PKP2: variants seen among roughly 807,000 people sequenced by gnomAD.
PKP2 encodes plakophilin-2.
PKP2 carries 73 observed loss-of-function variants against 83.4 expected under a neutral mutation model. That is an observed-to-expected ratio of 0.88 (90% CI 0.72 to 1.06). PKP2 has a LOEUF of 1.06. Ranked by LOEUF, PKP2 falls within the 50% of genes least tolerant of loss-of-function variation. PKP2 has a pLI of 0.00. For missense variants in PKP2, 966 were observed against 1,065.4 expected, an observed-to-expected ratio of 0.91 and a Z score of 1.30; for synonymous variants, 409 against 430.4, an observed-to-expected ratio of 0.95 and a Z score of 0.62.
chr12:32,856,284 T>C (rs1222900327), intron 4 of PKP2, among the ~76,000 whole-genome samples: 3 of 152,086 alleles, frequency 2.0e-5, no homozygotes, highest in African/African-American at 7.2e-5. Context: ...GGGGCAGTTA[T>C]TGGAAAGGTC....
chr12:32,816,480 A>G (rs542950626), intron 9 of PKP2, among the ~76,000 whole-genome samples: 16 of 152,284 alleles, frequency 1.1e-4, no homozygotes, highest in South Asian at 2.1e-4. Context: ...TCTTTATCCA[A>G]TCCACCACGG....
intron 10 of PKP2, among the ~76,000 whole-genome samples, chr12:32,801,561 T>C (rs1956178588): frequency 6.6e-6 from 1 of 152,290 alleles, no homozygotes; most frequent in African/African-American, 2.4e-5. Flanking sequence ...GCCTTTAATA[T>C]CTCTGGGGCT....
chr12:32,791,163 G>T lies in PKP2; in HGVS notation c.*1261C>A, dbSNP rs1393860855. The T allele has an allele frequency of 3.3e-5, 5 of 151,880 alleles. No individual in the cohort carries two copies. The highest frequency in any genetic ancestry group is 1.2e-4 in the African/African-American group (5 of 41,374). 9.4% of individuals were successfully genotyped at this position (151,880 alleles called of 1,614,324 possible). A position where few individuals can be genotyped will look rare whatever the true frequency, so the allele number is the denominator to read the frequency against. On this transcript the variant is annotated 3_prime_UTR_variant, in exon 13 of 13. Transcript: ENST00000340811. Reference sequence around the variant, plus strand: ...TTGTAAAGACTAACTCTATATGAATGGTTTTAATCATAGCGCAGTTAAAAC... The same window carrying T: ...TTGTAAAGACTAACTCTATATGAATTGTTTTAATCATAGCGCAGTTAAAAC...
intron 9 of PKP2, among the ~76,000 whole-genome samples, chr12:32,817,332 A>G (rs1464024494): frequency 6.6e-6 from 1 of 152,254 alleles, no homozygotes; most frequent in African/African-American, 2.4e-5. Context: ...AGACTCCTAG[A>G]AGAAAACCTA....
chr12:32,848,375 A>G (rs1398056711), intron 5 of PKP2, among the ~76,000 whole-genome samples: 2 of 152,314 alleles, frequency 1.3e-5, no homozygotes, highest in Admixed American at 1.3e-4. Context: ...CAGTGAGCTG[A>G]GATCATGCCA....
chr12:32,790,843 TGCACTCC>T lies in PKP2; in HGVS notation c.*1574_*1580del, dbSNP rs1483764743. Reference sequence around the variant, plus strand: ...CACATTTATTATCTGGAGGAATAAATGCACTCCAAATGCTTATCATCAGAACTCTGGA... The same window carrying T: ...CACATTTATTATCTGGAGGAATAAATAAATGCTTATCATCAGAACTCTGGA... On this transcript the variant is annotated 3_prime_UTR_variant, in exon 13 of 13. Transcript: ENST00000340811. 6.6e-6 allele frequency: 1 copy of T among 152,184 alleles called. No homozygotes were observed. The highest frequency in any genetic ancestry group is 2.4e-5 in the African/African-American group (1 of 41,450). The allele number at this position is 152,184 out of a possible 1,614,324, so 9.4% of individuals were successfully genotyped here. A position where few individuals can be genotyped will look rare whatever the true frequency, so the allele number is the denominator to read the frequency against.
chr12:32,805,764 G>A (rs562337783), intron 9 of PKP2, among the ~76,000 whole-genome samples: 13 of 152,266 alleles, frequency 8.5e-5, no homozygotes, highest in African/African-American at 2.9e-4. Context: ...TGATCTTTTT[G>A]CTTAGGACTG....
chr12:32,893,566 G>A (rs1957093730), intron 1 of PKP2: 1 of 152,186 alleles, frequency 6.6e-6, no homozygotes, highest in Non-Finnish European at 1.5e-5. Context: ...TTTAAAGTAA[G>A]TAGGTGTTGT....
At chr12:32,841,381 T>C (rs1956590851) in intron 5 of PKP2, among the ~76,000 whole-genome samples, 176 bp from the exon 6 acceptor site, 1 of 152,154 alleles carries the variant, frequency 6.6e-6, no homozygotes, top group African/African-American at 2.4e-5. Flanking sequence ...CATTAGATGG[T>C]GATGGAGGCT....
intron 1 of PKP2, among the ~76,000 whole-genome samples, chr12:32,884,033 C>A (rs932644120): frequency 6.6e-6 from 1 of 152,134 alleles, no homozygotes; most frequent in Non-Finnish European, 1.5e-5. Flanking sequence ...CCTCCCTATA[C>A]CTGGAGGAAA....
chr12:32,811,920 A>G (rs1956280381), intron 9 of PKP2, among the ~76,000 whole-genome samples: 1 of 152,138 alleles, frequency 6.6e-6, no homozygotes, highest in South Asian at 2.1e-4. Flanking sequence ...CAGCAAAGAG[A>G]GTAAGCAACC....
chr12:32,860,580 G>A (rs1162077984), intron 4 of PKP2, among the ~76,000 whole-genome samples: 3 of 152,198 alleles, frequency 2.0e-5, no homozygotes, highest in African/African-American at 7.2e-5. Context: ...AGGGCAAGGA[G>A]AGGGAAAGCA....
intron 7 of PKP2, among the ~76,000 whole-genome samples, chr12:32,823,329 A>G (rs1956400808): frequency 6.7e-6 from 1 of 148,776 alleles, no homozygotes; most frequent in African/African-American, 2.5e-5. Flanking sequence ...AGGCAGGAGA[A>G]TTGCTTGAAC....
In PKP2 at chr12:32,792,971, C is replaced by A. The variant is rs1044674859; in HGVS notation, c.2358-240G>T. ...TGCTAATAAATAAATAGTTTATAGG[C>A]CAGGTGGGGTGGCTCACGCCTGTAA... On this transcript the variant is annotated intron_variant, in intron 11 of 12. Coordinates refer to ENST00000340811, the MANE Select transcript of PKP2 (RefSeq NM_001005242.3). 5.4e-5 allele frequency: 27 copies of A among 495,438 alleles called. No individual in the cohort carries two copies. In the East Asian group the frequency reaches 1.0e-3, roughly 19 times the overall value. The allele number at this position is 495,438 out of a possible 1,614,324, so 30.7% of individuals were successfully genotyped here.
chr12:32,798,274 A>G (rs552314747), intron 10 of PKP2, among the ~76,000 whole-genome samples: 1 of 150,942 alleles, frequency 6.6e-6, no homozygotes, highest in South Asian at 2.1e-4. Flanking sequence ...TTTTTTTTTC[A>G]GTAGAGATGG....
intron 3 of PKP2, among the ~76,000 whole-genome samples, chr12:32,874,556 C>T (rs1175086154): frequency 1.3e-5 from 2 of 152,026 alleles, no homozygotes; most frequent in African/African-American, 4.8e-5. Flanking sequence ...TTTCTTGACC[C>T]CAAGTGTTCC....
Position 32,868,912 on chromosome 12 carries a change from G to A in PKP2, c.1170+15C>T, listed in dbSNP as rs1395923604. ...AGTGTGTTGCGCTTTGCAATGGACT[G>A]AAGATGACACTCACCCTCTTCCGAG... is the stretch of plus-strand genomic sequence containing the variant. On this transcript the variant is annotated intron_variant, in intron 4 of 12. Transcript: ENST00000340811. 2 of 1,611,870 alleles carry A rather than the reference G, an allele frequency of 1.2e-6. No individual in the cohort carries two copies. The highest frequency in any genetic ancestry group is 2.2e-5 in the South Asian group (2 of 90,992).
intron 1 of PKP2, among the ~76,000 whole-genome samples, chr12:32,890,005 G>T (rs1957063419): frequency 7.0e-6 from 1 of 143,446 alleles, no homozygotes; most frequent in Admixed American, 7.5e-5. Context: ...AACCCGAGGA[G>T]ACGGAGGTTG....
At chr12:32,806,686 T>TGTGTGTGTGTGTGTGTGTGTGTGTG (rs1956228649) in intron 9 of PKP2, among the ~76,000 whole-genome samples, 10 of 149,614 alleles carry the variant, frequency 6.7e-5, no homozygotes, top group African/African-American at 2.5e-4. Context: ...TTTGAAGGGT[T>TGTGTGTGTGTGTGTGTGTGTGTGTG]TGTGTGTGTG....
Sources: allele counts gnomAD v4.1 joint callset (sites outside exome capture counted in the v4.1 genomes callset), GRCh38; gene constraint gnomAD v4.1.1; transcripts MANE v1.5; gene names NCBI Gene and HGNC (gene_info 2026-07-23, HGNC 2026-07-21).